KANSL1: variants seen among roughly 807,000 people sequenced by gnomAD.
The protein encoded by KANSL1 is KAT8 regulatory NSL complex subunit 1.
A neutral mutation model predicts 103.6 loss-of-function variants in KANSL1; 22 were observed. The ratio of observed to expected loss-of-function variants is 0.21; its 90% CI spans 0.15 to 0.30. The LOEUF (loss-of-function observed/expected upper bound fraction) is 0.30, where lower values mean the gene tolerates loss of function less well. KANSL1 is among the 10% of genes least tolerant of loss of function. The pLI is 1.00. For missense variants in KANSL1, 1,337 were observed against 1,399.8 expected (o/e 0.96, Z 0.72); for synonymous variants, 600 against 527.6 (o/e 1.14, Z -1.88).
chr17:46,051,348 G>T (rs1261008942), intron 6 of KANSL1, among the ~76,000 whole-genome samples: 1 of 152,144 alleles, frequency 6.6e-6, no homozygotes, highest in African/African-American at 2.4e-5. Context: ...TACAGCAAAT[G>T]CTCACTTTCA....
chr17:46,080,123 TGA>T (rs1423209249), intron 4 of KANSL1, among the ~76,000 whole-genome samples: 1 of 152,006 alleles, frequency 6.6e-6, no homozygotes, highest in Non-Finnish European at 1.5e-5. Context: ...TAATTCCAGC[TGA>T]GTTTCAGAAA....
In KANSL1 at chr17:46,058,743, ACTCTCTCTCTCTCTCTCTCTCT is replaced by A. The variant is rs756932556; in HGVS notation, c.1848+7772_1848+7793del. On this transcript the variant is annotated intron_variant, in intron 6 of 14. Coordinates refer to ENST00000432791, the MANE Select transcript of KANSL1 (RefSeq NM_015443.4). ...CACACACACACACACACACACACAC[ACTCTCTCTCTCTCTCTCTCTCT>A]CTCTCTCTCTCTCTCTCTCTCTCTC... 7.6e-3 allele frequency among the ~76,000 whole-genome samples: 520 copies of A among 68,020 alleles called. 2 individuals are homozygous for A. Among genetic ancestry groups the A allele is most frequent in the Non-Finnish European group, 0.011 (332 of 29,918 alleles). 44.6% of individuals were successfully genotyped at this position (68,020 alleles called of 152,430 possible). A position where few individuals can be genotyped will look rare whatever the true frequency, so the allele number is the denominator to read the frequency against.
At chr17:46,085,858 A>T (rs772966208) in intron 3 of KANSL1, among the ~76,000 whole-genome samples, 63 of 152,108 alleles carry the variant, frequency 4.1e-4, no homozygotes, top group Non-Finnish European at 3.4e-4. Context: ...AAACTCCTAG[A>T]CTCAAGCAAT....
At chr17:46,144,518 T>C (rs192304841) in intron 2 of KANSL1, among the ~76,000 whole-genome samples, 1 of 152,286 alleles carries the variant, frequency 6.6e-6, no homozygotes, top group East Asian at 1.9e-4. Flanking sequence ...TTTACAAAAG[T>C]AAAAGGACGT....
intron 3 of KANSL1, chr17:46,088,607 CG>C (rs1291586108): frequency 5.9e-5 from 9 of 152,372 alleles, no homozygotes; most frequent in Non-Finnish European, 7.3e-5. Flanking sequence ...TAAAAAACAA[CG>C]TAAGAGTCAA....
chr17:46,204,214 G>C lies in KANSL1; in HGVS notation c.-90+19457C>G, dbSNP rs143776827. Among the ~76,000 whole-genome samples the C allele has an allele frequency of 2.6e-3, 403 of 152,252 alleles. 3 individuals carry two copies. The highest frequency in any genetic ancestry group is 9.3e-3 in the African/African-American group (385 of 41,532). ...GCTCACACCTGTAATCCCAGCACTT[G>C]AGGAGGCTGAGTTGGGAGGATCACT... is the stretch of plus-strand genomic sequence containing the variant. On this transcript the variant is annotated intron_variant, in intron 1 of 14. Transcript: ENST00000572904.
At chr17:46,122,722 G>A (rs2043337164) in intron 2 of KANSL1, among the ~76,000 whole-genome samples, 1 of 152,190 alleles carries the variant, frequency 6.6e-6, no homozygotes, top group Non-Finnish European at 1.5e-5. Context: ...ACACATTTGG[G>A]TAATTCTCAC....
intron 2 of KANSL1, among the ~76,000 whole-genome samples, chr17:46,125,461 T>C (rs956048034): frequency 1.3e-5 from 2 of 152,150 alleles, no homozygotes; most frequent in Admixed American, 6.5e-5. Flanking sequence ...GAACCTGTGA[T>C]ATCTCTGAGG....
At chr17:46,165,354 T>C (rs1198973147) in intron 2 of KANSL1, among the ~76,000 whole-genome samples, 1 of 150,602 alleles carries the variant, frequency 6.6e-6, no homozygotes, top group African/African-American at 2.4e-5. Flanking sequence ...TGCCTCAGCC[T>C]CCCGAGTAGC....
chr17:46,103,906 T>C (rs2042422731), intron 2 of KANSL1, among the ~76,000 whole-genome samples: 1 of 152,178 alleles, frequency 6.6e-6, no homozygotes, highest in East Asian at 1.9e-4. Context: ...CCTGGGCCTG[T>C]AGTTCCAGCT....
intron 3 of KANSL1, chr17:46,094,311 G>C: frequency 4.0e-6 from 2 of 496,412 alleles, no homozygotes; most frequent in Non-Finnish European, 7.0e-6. Flanking sequence ...TGCCCAGGCT[G>C]GTCTCGAACT....
At chr17:46,083,464 G>C (rs2079052472) in intron 3 of KANSL1, among the ~76,000 whole-genome samples, 1 of 152,086 alleles carries the variant, frequency 6.6e-6, no homozygotes, top group Non-Finnish European at 1.5e-5. Flanking sequence ...AACTATACTG[G>C]CTTAGGTCCA....
intron 3 of KANSL1, among the ~76,000 whole-genome samples, chr17:46,083,498 G>A (rs1324131472): frequency 2.0e-5 from 3 of 152,144 alleles, no homozygotes; most frequent in Non-Finnish European, 2.9e-5. Flanking sequence ...ACCTCTGGGG[G>A]TGGGGCCAGG....
chr17:46,092,095 A>C (rs2079417252), intron 3 of KANSL1, among the ~76,000 whole-genome samples: 1 of 152,174 alleles, frequency 6.6e-6, no homozygotes, highest in African/African-American at 2.4e-5. Flanking sequence ...TCGGCCTCCC[A>C]AAGTGCTGAG....
At chr17:46,103,479 A>G (rs1474037685) in intron 2 of KANSL1, among the ~76,000 whole-genome samples, 1 of 152,222 alleles carries the variant, frequency 6.6e-6, no homozygotes, top group African/African-American at 2.4e-5. Flanking sequence ...AAAAAACAAT[A>G]ATTCCTTAAT....
upstream of KANSL1, among the ~76,000 whole-genome samples, chr17:46,194,207 CG>C (rs1367112440): frequency 6.6e-6 from 1 of 152,264 alleles, no homozygotes; most frequent in Non-Finnish European, 1.5e-5. Context: ...AAGAAACACG[CG>C]TCTTGTTTTG....
chr17:46,186,359 G>T (rs112347948), intron 1 of KANSL1, among the ~76,000 whole-genome samples: 18,044 of 148,486 alleles, frequency 0.12, 23 homozygotes, highest in Middle Eastern at 0.18. Context: ...CCTCCAGCCT[G>T]GGGCACAGAG....
chr17:46,038,808 T>C, intron 9 of KANSL1, 122 bp from the exon 10 acceptor site: 1 of 1,341,528 alleles, frequency 7.5e-7, no homozygotes, highest in Non-Finnish European at 1.0e-6. Flanking sequence ...GCCTAGAGGA[T>C]AAAAAGGTGA....
intron 6 of KANSL1, among the ~76,000 whole-genome samples, chr17:46,057,596 C>T (rs989108226): frequency 2.6e-5 from 4 of 152,040 alleles, no homozygotes; most frequent in Non-Finnish European, 4.4e-5. Context: ...AAGCATAAGG[C>T]GGCCACCTTG....
Sources: allele counts gnomAD v4.1 joint callset (sites outside exome capture counted in the v4.1 genomes callset), GRCh38; gene constraint gnomAD v4.1.1; transcripts MANE v1.5; gene names NCBI Gene and HGNC (gene_info 2026-07-23, HGNC 2026-07-21).